PCDHGA4: variants seen among roughly 807,000 people sequenced by gnomAD.
The protein encoded by PCDHGA4 is protocadherin gamma-A4.
PCDHGA4 carries 38 observed loss-of-function variants against 54.6 expected under a neutral mutation model. That is an observed-to-expected ratio of 0.70 (90% CI 0.54 to 0.91). The LOEUF (loss-of-function observed/expected upper bound fraction) is 0.91, where lower values mean the gene tolerates loss of function less well. PCDHGA4 is among the 40% of genes least tolerant of loss of function. PCDHGA4 has a pLI of 0.00. For synonymous variants in PCDHGA4, 511 were observed against 512.9 expected (o/e 1.00, Z 0.05); for missense variants, 1,298 against 1,220.9 (o/e 1.06, Z -0.94).
intron 1 of PCDHGA4, chr5:141,372,728 A>G (rs1769012432): frequency 1.2e-6 from 2 of 1,613,562 alleles, no homozygotes; most frequent in African/African-American, 2.7e-5. Flanking sequence ...CTGCACCACA[A>G]GATCTTCTAT....
chr5:141,383,350 C>CG (rs766222030), intron 1 of PCDHGA4: 7 of 1,613,870 alleles, frequency 4.3e-6, no homozygotes, highest in Non-Finnish European at 5.9e-6. Context: ...TCCTGGGGTT[C>CG]GGTTTCCGTT....
At chr5:141,510,296 G>A (rs999749575) in intron 3 of PCDHGA4, among the ~76,000 whole-genome samples, 6 of 149,608 alleles carry the variant, frequency 4.0e-5, no homozygotes, top group African/African-American at 1.5e-4. Flanking sequence ...AAAAAATGCT[G>A]TTTTGAAATG....
At chr5:141,478,755 A>G in intron 1 of PCDHGA4, 1 of 1,519,784 alleles carries the variant, frequency 6.6e-7, no homozygotes, top group South Asian at 1.3e-5. Flanking sequence ...TTCAGGGGGA[A>G]GATACTTGAC....
At position 141,485,480 on chromosome 5, in the gene PCDHGA4, A is replaced by G. The variant is rs535194185; in HGVS notation, c.2515-9327A>G. On this transcript the variant is annotated intron_variant, in intron 1 of 3. Transcript: ENST00000571252. The surrounding 1 kb of genome is among the most constrained non-coding windows in gnomAD (Gnocchi z 5.7). Reference sequence around the variant, plus strand: ...ACTGTGTGGGCTCAGTGCCAGCTGCATCGTGCCCCTGGAGTTTGTCACCGA... The same window carrying G: ...ACTGTGTGGGCTCAGTGCCAGCTGCGTCGTGCCCCTGGAGTTTGTCACCGA... The G allele has an allele frequency of 2.5e-6, 4 of 1,614,154 alleles. No individual in the cohort carries two copies. The South Asian group carries it at 3.3e-5, about 13-fold the overall frequency.
chr5:141,419,065 C>T (rs763008753), intron 1 of PCDHGA4: 3 of 1,613,904 alleles, frequency 1.9e-6, no homozygotes, highest in Non-Finnish European at 2.5e-6. Flanking sequence ...ATAATTACTA[C>T]AAGCTAGTAA....
At chr5:141,371,509 A>G (rs768507307) in intron 1 of PCDHGA4, 3 of 1,613,878 alleles carry the variant, frequency 1.9e-6, no homozygotes, top group South Asian at 2.2e-5. Context: ...ATCAAAACAC[A>G]TGATCTAGAT....
intron 1 of PCDHGA4, among the ~76,000 whole-genome samples, chr5:141,467,032 T>G (rs551565159): frequency 2.0e-5 from 3 of 152,164 alleles, no homozygotes; most frequent in Non-Finnish European, 2.9e-5. Flanking sequence ...GTTTTTGTTT[T>G]TTGTGTAATG....
chr5:141,400,630 A>G, intron 1 of PCDHGA4: 8 of 1,394,666 alleles, frequency 5.7e-6, no homozygotes, highest in East Asian at 2.3e-5. Flanking sequence ...TAGGGAAGTC[A>G]GAGCTGCTCA....
chr5:141,415,494 C>T lies in PCDHGA4; in HGVS notation c.2514+57873C>T, dbSNP rs377609539. 2.5e-6 allele frequency: 4 copies of T among 1,614,110 alleles called. No homozygotes were observed. The African/African-American group carries it at 4.0e-5, about 16-fold the overall frequency. ...CGGACTCGCGAAAGAGTCACCTGAT[C>T]TTCCCCCAGCCCAATTATGCGGACA... On this transcript the variant is annotated intron_variant, in intron 1 of 3. Transcript: ENST00000571252.
chr5:141,469,499 C>T lies in PCDHGA4; in HGVS notation c.2515-25308C>T, dbSNP rs1023274165. Among the ~76,000 whole-genome samples, 22 of 152,128 alleles carry T rather than the reference C, an allele frequency of 1.4e-4. 1 individual carries two copies. The highest frequency in any genetic ancestry group is 3.9e-4 in the African/African-American group (16 of 41,510). On this transcript the variant is annotated intron_variant, in intron 1 of 3. Coordinates refer to ENST00000571252, the MANE Select transcript of PCDHGA4 (RefSeq NM_018917.4). ...CTGAGGCAGGAGAATCGCTTGAACC[C>T]GGGAGGTGGAGGTTGCAGTGAGCCA...
chr5:141,419,616 AC>A, intron 1 of PCDHGA4: 1 of 1,612,204 alleles, frequency 6.2e-7, no homozygotes, highest in Non-Finnish European at 8.5e-7. Flanking sequence ...CAGCCAGGCT[AC>A]CTGGTGACCA....
intron 1 of PCDHGA4, chr5:141,376,177 C>A (rs1772377034): frequency 6.2e-7 from 1 of 1,614,004 alleles, no homozygotes; most frequent in Non-Finnish European, 8.5e-7. Context: ...TGGCGGTGGC[C>A]GCGGTCTCCT....
intron 1 of PCDHGA4, among the ~76,000 whole-genome samples, chr5:141,368,858 A>G (rs1283174672): frequency 6.6e-6 from 1 of 152,158 alleles, no homozygotes; most frequent in Non-Finnish European, 1.5e-5. Context: ...TTGCTTTGGA[A>G]TGTTTTGGAG....
At position 141,476,015 on chromosome 5, in the gene PCDHGA4, C is replaced by A; in HGVS notation, c.2515-18792C>A. The A allele has an allele frequency of 7.4e-7, 1 of 1,344,728 alleles. No individual in the cohort carries two copies. The highest frequency in any genetic ancestry group is 1.0e-6 in the Non-Finnish European group (1 of 992,700). The allele number at this position is 1,344,728 out of a possible 1,614,324, so 83.3% of individuals were successfully genotyped here. A position where few individuals can be genotyped will look rare whatever the true frequency, so the allele number is the denominator to read the frequency against. ...ATCAACGGCATCCAGAAAGCCATGT[C>A]GGACTCGGCGCCCAGCGCCCAAGCG... On this transcript the variant is annotated intron_variant, in intron 1 of 3. Coordinates refer to ENST00000571252, the MANE Select transcript of PCDHGA4 (RefSeq NM_018917.4). This position sits in a 1 kb window ranked among gnomAD's most constrained non-coding sequence, Gnocchi z 7.6.
chr5:141,511,462 C>T lies in PCDHGA4; in HGVS notation c.*289C>T, dbSNP rs1385398410. On this transcript the variant is annotated 3_prime_UTR_variant, in exon 4 of 4. Transcript: ENST00000571252. Reference sequence around the variant, plus strand: ...AGACACCAAGAACCATTTGCCACACCCCGTTTAGTTACAGCTGAACTCCTC... The same window carrying T: ...AGACACCAAGAACCATTTGCCACACTCCGTTTAGTTACAGCTGAACTCCTC... 5.4e-6 allele frequency: 3 copies of T among 556,350 alleles called. No individual in the cohort carries two copies. In the South Asian group the frequency reaches 6.3e-5, roughly 12 times the overall value. 34.5% of individuals were successfully genotyped at this position (556,350 alleles called of 1,614,324 possible).
intron 1 of PCDHGA4, chr5:141,409,423 T>G: frequency 6.2e-7 from 1 of 1,614,026 alleles, no homozygotes; most frequent in Non-Finnish European, 8.5e-7. Context: ...TGGTGACAGA[T>G]GGAGCCCTGG....
intron 1 of PCDHGA4, chr5:141,416,068 A>G (rs940843403): frequency 1.2e-5 from 2 of 173,694 alleles, no homozygotes; most frequent in Non-Finnish European, 2.4e-5. Context: ...AGAATACTCA[A>G]TGCAGTTCTT....
At chr5:141,408,008 C>A in intron 1 of PCDHGA4, 2 of 949,842 alleles carry the variant, frequency 2.1e-6, no homozygotes, top group Non-Finnish European at 3.0e-6. Context: ...GGATTCCCTG[C>A]GCAGCCAACA....
In PCDHGA4 at chr5:141,491,789, T is replaced by G; in HGVS notation, c.2515-3018T>G. The G allele has an allele frequency of 6.6e-7, 1 of 1,525,854 alleles. No individual in the cohort carries two copies. Among genetic ancestry groups the G allele is most frequent in the Non-Finnish European group, 8.8e-7 (1 of 1,137,340 alleles). The allele number at this position is 1,525,854 out of a possible 1,614,324, so 94.5% of individuals were successfully genotyped here. ...CATAAGGGATTGAACTTGCATCCAC[T>G]CCTCTCCGGCCGGCTTGGTCGCTGG... On this transcript the variant is annotated intron_variant, in intron 1 of 3. Transcript: ENST00000571252. The surrounding 1 kb of genome is among the most constrained non-coding windows in gnomAD (Gnocchi z 6.9).
Sources: allele counts gnomAD v4.1 joint callset (sites outside exome capture counted in the v4.1 genomes callset), GRCh38; gene constraint gnomAD v4.1.1; non-coding constraint Gnocchi (gnomAD v3.1); transcripts MANE v1.5; gene names NCBI Gene and HGNC (gene_info 2026-07-23, HGNC 2026-07-21).